The following WDR20 variants were observed in gnomAD, a reference collection of about 807,000 sequenced individuals.
The protein encoded by WDR20 is WD repeat-containing protein 20.
WDR20 carries 3 observed loss-of-function variants against 38.7 expected under a neutral mutation model. The observed-to-expected ratio is 0.08, with a 90% CI of 0.04 to 0.20. The LOEUF (loss-of-function observed/expected upper bound fraction) is 0.20, where lower values mean the gene tolerates loss of function less well. Ranked by LOEUF, WDR20 falls within the 10% of genes least tolerant of loss-of-function variation. The probability of loss-of-function intolerance (pLI) is 1.00; values close to 1 mark genes in which losing one functional copy is unlikely to be tolerated. For missense variants in WDR20, 559 were observed against 727.7 expected (o/e 0.77, Z 2.67); for synonymous variants, 298 against 285.6 (o/e 1.04, Z -0.44).
At chr14:102,189,337 A>G (rs1287494736) in intron 1 of WDR20, among the ~76,000 whole-genome samples, 1 of 152,236 alleles carries the variant, frequency 6.6e-6, no homozygotes, top group Non-Finnish European at 1.5e-5. Flanking sequence ...TTTTAAAACT[A>G]TCACTTAAAA....
intron 1 of WDR20, among the ~76,000 whole-genome samples, chr14:102,178,212 TG>T (rs761164745): frequency 6.6e-6 from 1 of 151,914 alleles, no homozygotes; most frequent in African/African-American, 2.4e-5. Flanking sequence ...GCTAACATGG[TG>T]AAACCCCGTC....
At chr14:102,189,169 C>G (rs1336580508) in intron 1 of WDR20, among the ~76,000 whole-genome samples, 2 of 152,102 alleles carry the variant, frequency 1.3e-5, no homozygotes, top group Non-Finnish European at 2.9e-5. Flanking sequence ...CAGATCGCAC[C>G]ACTGCACTCC....
At chr14:102,180,794 A>G (rs554055702) in intron 1 of WDR20, among the ~76,000 whole-genome samples, 2 of 152,292 alleles carry the variant, frequency 1.3e-5, no homozygotes, top group African/African-American at 2.4e-5. Flanking sequence ...TGTCGTAACC[A>G]TGTGAGGGGC....
intron 1 of WDR20, among the ~76,000 whole-genome samples, chr14:102,187,574 G>A (rs1291870840): frequency 6.6e-6 from 1 of 152,160 alleles, no homozygotes; most frequent in Non-Finnish European, 1.5e-5. Flanking sequence ...GGGTGATAAG[G>A]CCACATTGGG....
intron 2 of WDR20, among the ~76,000 whole-genome samples, chr14:102,196,922 C>T (rs2059506853): frequency 6.6e-6 from 1 of 152,202 alleles, no homozygotes. Context: ...GATTGCCCTT[C>T]ATAGTAAGGA....
chr14:102,184,574 G>A (rs1392534810), intron 1 of WDR20, among the ~76,000 whole-genome samples: 1 of 152,006 alleles, frequency 6.6e-6, no homozygotes, highest in East Asian at 1.9e-4. Context: ...CTCCCCACCC[G>A]ATGCAGAGCT....
chr14:102,224,297 C>T (rs1316296271), downstream of WDR20, among the ~76,000 whole-genome samples: 1 of 151,940 alleles, frequency 6.6e-6, no homozygotes, highest in Non-Finnish European at 1.5e-5. Flanking sequence ...GCCTTGGCCT[C>T]CCAAAGTGCT....
chr14:102,144,530 A>G (rs553040493), intron 1 of WDR20, among the ~76,000 whole-genome samples: 18 of 152,024 alleles, frequency 1.2e-4, no homozygotes, highest in Non-Finnish European at 2.4e-4. Flanking sequence ...AAAGATGCCA[A>G]AGGTAAGGTA....
chr14:102,188,128 A>G (rs2065320862), intron 1 of WDR20, among the ~76,000 whole-genome samples: 1 of 152,208 alleles, frequency 6.6e-6, no homozygotes, highest in African/African-American at 2.4e-5. Flanking sequence ...TATGTCTAAG[A>G]TTATAATTTG....
rs1434904563 is a variant in WDR20 at position 102,220,131 on chromosome 14, TCTGGCAGC to T, written c.1693-2694_1693-2687del. Among the ~76,000 whole-genome samples the T allele has an allele frequency of 6.6e-6, 1 of 152,234 alleles. No homozygotes were observed. The highest frequency in any genetic ancestry group is 2.4e-5 in the African/African-American group (1 of 41,466). On this transcript the variant is annotated intron_variant, in intron 3 of 3. Coordinates refer to the WDR20 transcript ENST00000335263. This position sits in a 1 kb window ranked among gnomAD's most constrained non-coding sequence, Gnocchi z 4.2. ...AGCAGCGTGTCCCTCAACATCAGGC[TCTGGCAGC>T]CTGGTGGCTGCGCCACCTCTGCGTC...
intron 1 of WDR20, among the ~76,000 whole-genome samples, chr14:102,194,146 C>T (rs916601201): frequency 2.0e-5 from 3 of 152,192 alleles, no homozygotes; most frequent in African/African-American, 7.2e-5. Flanking sequence ...TATTTAACTT[C>T]CCTAAACTTG....
At chr14:102,179,117 T>C (rs895894184) in intron 1 of WDR20, 3 of 152,134 alleles carry the variant, frequency 2.0e-5, no homozygotes, top group African/African-American at 7.2e-5. Context: ...GGTTTTATAA[T>C]AAATGGTTGT....
At chr14:102,215,873 C>T (rs1367769266), downstream of WDR20, among the ~76,000 whole-genome samples, 3 of 152,292 alleles carry the variant, frequency 2.0e-5, no homozygotes, top group South Asian at 2.1e-4. Context: ...TCTTGACAGA[C>T]GACGTAGCTG....
chr14:102,153,233 A>G (rs529317774), intron 1 of WDR20, among the ~76,000 whole-genome samples: 3 of 151,760 alleles, frequency 2.0e-5, no homozygotes, highest in Admixed American at 6.6e-5. Flanking sequence ...TTGAGGCCTC[A>G]CTAGAAGCTG....
chr14:102,224,826 C>T (rs1336029817), downstream of WDR20: 2 of 455,882 alleles, frequency 4.4e-6, no homozygotes, highest in South Asian at 3.1e-5. Flanking sequence ...GACACTAAGA[C>T]TTGCTGTTCT....
At chr14:102,170,597 C>CG (rs934148456) in intron 1 of WDR20, among the ~76,000 whole-genome samples, 1 of 151,274 alleles carries the variant, frequency 6.6e-6, no homozygotes, top group Non-Finnish European at 1.5e-5. Flanking sequence ...GTCCTGAACC[C>CG]GCTTTTCTAC....
chr14:102,219,448 A>G (rs1325916985), downstream of WDR20, among the ~76,000 whole-genome samples: 3 of 152,204 alleles, frequency 2.0e-5, no homozygotes, highest in African/African-American at 4.8e-5. Flanking sequence ...ATGCCAACGC[A>G]GGGCCACAGC....
intron 1 of WDR20, among the ~76,000 whole-genome samples, chr14:102,192,083 A>G (rs1484393810): frequency 6.6e-6 from 1 of 152,188 alleles, no homozygotes; most frequent in Non-Finnish European, 1.5e-5. Flanking sequence ...CTAATAAACT[A>G]GTCCTGGACT....
chr14:102,191,851 A>G (rs944657522), intron 1 of WDR20, among the ~76,000 whole-genome samples: 3 of 152,250 alleles, frequency 2.0e-5, no homozygotes, highest in South Asian at 2.1e-4. Flanking sequence ...CACTCACACT[A>G]GTGTTGACAG....
Sources: allele counts gnomAD v4.1 joint callset (sites outside exome capture counted in the v4.1 genomes callset), GRCh38; gene constraint gnomAD v4.1.1; non-coding constraint Gnocchi (gnomAD v3.1); transcripts MANE v1.5; gene names NCBI Gene and HGNC (gene_info 2026-07-23, HGNC 2026-07-21).